Variants in NSD2 observed in about 807,000 individuals in gnomAD.
NSD2 encodes the protein histone-lysine N-methyltransferase NSD2.
A neutral mutation model predicts 139.0 loss-of-function variants in NSD2; 12 were observed. The ratio of observed to expected loss-of-function variants is 0.09; its 90% CI spans 0.06 to 0.14. The LOEUF is 0.14. NSD2 is among the 10% of genes least tolerant of loss of function. The probability of loss-of-function intolerance (pLI) is 1.00; values close to 1 mark genes in which losing one functional copy is unlikely to be tolerated. For synonymous variants in NSD2, 669 were observed against 648.7 expected (o/e 1.03, Z -0.48); for missense variants, 1,155 against 1,745.0 (o/e 0.66, Z 6.02).
intron 11 of NSD2, chr4:1,952,785 T>G: frequency 8.8e-7 from 1 of 1,134,028 alleles, no homozygotes; most frequent in East Asian, 5.2e-5. Flanking sequence ...TCTGTGAGGA[T>G]GATGAGAGGA....
In NSD2 at chr4:1,939,433, A is replaced by G. The variant is rs1722844633; in HGVS notation, c.1757-221A>G. The G allele has an allele frequency of 2.1e-5, 12 of 572,372 alleles. No individual in the cohort carries two copies. In the South Asian group the frequency reaches 2.5e-4, roughly 12 times the overall value. 35.5% of individuals were successfully genotyped at this position (572,372 alleles called of 1,614,324 possible). ...ATAGAGCCACGCTGGCCCCAGGTTGATGTTTTTGGGGGCCAAGTAGCGAGG... is the reference window on the plus strand; with the variant it reads ...ATAGAGCCACGCTGGCCCCAGGTTGGTGTTTTTGGGGGCCAAGTAGCGAGG... On this transcript the variant is annotated intron_variant, in intron 8 of 21. Transcript: ENST00000508803.
chr4:1,938,420 T>A, intron 7 of NSD2, 31 bp from the exon 8 acceptor site: 1 of 988,610 alleles, frequency 1.0e-6, no homozygotes, highest in Non-Finnish European at 1.4e-6. Context: ...TTCTTTCTTT[T>A]TTTTTTTTTT....
chr4:1,962,985 C>T (rs763491250), intron 18 of NSD2, among the ~76,000 whole-genome samples: 17 of 152,156 alleles, frequency 1.1e-4, no homozygotes, highest in African/African-American at 3.9e-4. Flanking sequence ...CAACACAGGT[C>T]TTCTCTAGGA....
At chr4:1,893,555 T>TTTTTTTG (rs1715829681) in intron 1 of NSD2, among the ~76,000 whole-genome samples, 1 of 147,828 alleles carries the variant, frequency 6.8e-6, no homozygotes, top group African/African-American at 2.5e-5. Context: ...TTTTTTTTTT[T>TTTTTTTG]TTTTGTTTTG....
rs765467450 is a variant in NSD2, at chr4:1,948,230, C to T, written c.1882-2842C>T. 19 of 1,064,130 alleles carry T rather than the reference C, an allele frequency of 1.8e-5. No homozygotes were observed. Among genetic ancestry groups the T allele is most frequent in the Non-Finnish European group, 1.9e-5 (17 of 878,266 alleles). The allele number at this position is 1,064,130 out of a possible 1,614,324, so 65.9% of individuals were successfully genotyped here. On this transcript the variant is annotated intron_variant, in intron 9 of 21. Transcript: ENST00000508803. The surrounding 1 kb of genome is among the most constrained non-coding windows in gnomAD (Gnocchi z 4.5). ...TGGCTGTGGTGGACGCGGGAAACAA[C>T]GGGAAAGTTCTTGACAGAGTCTGTG...
At chr4:1,872,803 C>A (rs1469923438) in intron 1 of NSD2, among the ~76,000 whole-genome samples, 3 of 152,110 alleles carry the variant, frequency 2.0e-5, no homozygotes, top group African/African-American at 7.2e-5. Flanking sequence ...TTGTGTATTT[C>A]AAATATCAAC....
chr4:1,940,138 G>A, intron 9 of NSD2: 1 of 1,139,964 alleles, frequency 8.8e-7, no homozygotes, highest in South Asian at 3.2e-5. Context: ...TTCTGAAAGG[G>A]CACAGTGTCA....
chr4:1,926,479 T>G (rs531820002), intron 5 of NSD2, among the ~76,000 whole-genome samples: 1 of 151,904 alleles, frequency 6.6e-6, no homozygotes, highest in Non-Finnish European at 1.5e-5. Flanking sequence ...TTTTTTTTAT[T>G]TTTATTTTTG....
intron 6 of NSD2, among the ~76,000 whole-genome samples, chr4:1,932,328 A>G (rs771508547): frequency 6.6e-6 from 1 of 150,390 alleles, no homozygotes; most frequent in African/African-American, 2.5e-5. Context: ...AATCCCAGCT[A>G]CTCGGGAGGC....
chr4:1,899,780 G>T (rs1049222758), intron 1 of NSD2, among the ~76,000 whole-genome samples: 5 of 152,328 alleles, frequency 3.3e-5, no homozygotes, highest in Non-Finnish European at 5.9e-5. Context: ...CCTTCTGCAC[G>T]TGGGCCTCAC....
Position 1,955,862 on chromosome 4 carries a change from G to A in NSD2, c.2675+13G>A. 1 of 1,612,864 alleles carries A rather than the reference G, an allele frequency of 6.2e-7. No homozygotes were observed. The highest frequency in any genetic ancestry group is 1.3e-5 in the African/African-American group (1 of 75,032). ...TTGGGAACTACAGGTGTGAGACATA[G>A]AATCGTATGCTTTTATGTCTTTTCT... On this transcript the variant is annotated intron_variant, in intron 14 of 21. Coordinates refer to ENST00000508803, the MANE Select transcript of NSD2 (RefSeq NM_001042424.3). The surrounding 1 kb of genome is among the most constrained non-coding windows in gnomAD (Gnocchi z 4.7).
intron 19 of NSD2, 113 bp downstream of exon 19, chr4:1,975,117 G>A (rs1726933127): frequency 2.0e-6 from 3 of 1,534,622 alleles, no homozygotes; most frequent in African/African-American, 1.4e-5. Context: ...GGGTGCTGAT[G>A]TGGAGTCTCT....
At chr4:1,934,841 C>G (rs1189303568) in intron 6 of NSD2, among the ~76,000 whole-genome samples, 1 of 74,916 alleles carries the variant, frequency 1.3e-5, no homozygotes, top group Non-Finnish European at 2.3e-5. Context: ...GAGCGAGACT[C>G]CATCTTAAAA....
At chr4:1,893,385 A>G (rs748717808) in intron 1 of NSD2, among the ~76,000 whole-genome samples, 3 of 152,176 alleles carry the variant, frequency 2.0e-5, no homozygotes, top group Admixed American at 6.5e-5. Context: ...CAGGAGAATC[A>G]CTTGAACCCA....
intron 5 of NSD2, among the ~76,000 whole-genome samples, chr4:1,923,316 CAAAAAAA>C (rs34772768): frequency 3.2e-5 from 2 of 62,262 alleles, no homozygotes; most frequent in Admixed American, 3.9e-4. Context: ...GACCCTGGCT[CAAAAAAA>C]AAAAAAAAAA....
intron 18 of NSD2, among the ~76,000 whole-genome samples, chr4:1,964,948 A>G (rs557635265): frequency 6.6e-6 from 1 of 152,144 alleles, no homozygotes; most frequent in South Asian, 2.1e-4. Context: ...CAAAACAAGA[A>G]CAATAAATAA....
chr4:1,982,121 A>G lies in NSD2; in HGVS notation c.*3212A>G. The G allele has an allele frequency of 2.5e-6, 1 of 396,346 alleles. No individual in the cohort carries two copies. 24.6% of individuals were successfully genotyped at this position (396,346 alleles called of 1,614,324 possible). On this transcript the variant is annotated 3_prime_UTR_variant, in exon 22 of 22. Coordinates refer to ENST00000508803, the MANE Select transcript of NSD2 (RefSeq NM_001042424.3). ...TGAGACTTGCCAGTTGGGGGAAAAT[A>G]GCATTTAAAATGGAAAGCTGTGTTT...
chr4:1,978,864 G>C lies in NSD2; in HGVS notation c.4053G>C (p.Lys1351Asn). Residue 1351 changes from lysine (K) to asparagine (N), a missense_variant, in exon 22 of 22, where the codon AAG becomes AAC. Physicochemically the swap from Lys to Asn is moderately conservative, Grantham distance 94 (BLOSUM62 0). Around this residue, in one of 8 missense-constraint regions of NSD2, gnomAD observed 132 missense variants for 94.3 expected, o/e 1.40. Coordinates refer to ENST00000508803, the MANE Select transcript of NSD2 (RefSeq NM_001042424.3). ...PPPEPGKPKGKRRRRRGWRRV... is the reference protein window; with the variant it reads ...PPPEPGKPKGNRRRRRGWRRV... ...CAGAGCCAGGGAAGCCGAAGGGGAA[G>C]AGGCGGCGGCGGAGGGGCTGGCGGA... The C allele has an allele frequency of 1.3e-6, 2 of 1,597,478 alleles. No homozygotes were observed. The highest frequency in any genetic ancestry group is 1.3e-5 in the African/African-American group (1 of 74,736).
intron 1 of NSD2, among the ~76,000 whole-genome samples, chr4:1,879,081 C>G (rs1714512246): frequency 6.6e-6 from 1 of 152,174 alleles, no homozygotes; most frequent in South Asian, 2.1e-4. Flanking sequence ...AAAAATGTGT[C>G]TCTGGAGCTT....
Sources: allele counts gnomAD v4.1 joint callset (sites outside exome capture counted in the v4.1 genomes callset), GRCh38; gene constraint gnomAD v4.1.1; regional missense constraint gnomAD v4.1.1; non-coding constraint Gnocchi (gnomAD v3.1); transcripts MANE v1.5; gene names NCBI Gene and HGNC (gene_info 2026-07-23, HGNC 2026-07-21).